The following KIF15 variants were observed in gnomAD, a reference collection of about 807,000 sequenced individuals.
KIF15 encodes the protein kinesin family member 15, also known as kinesin-like protein KIF15.
A neutral mutation model predicts 190.6 loss-of-function variants in KIF15; 140 were observed. That is an observed-to-expected ratio of 0.73 (90% CI 0.64 to 0.84). KIF15 has a LOEUF of 0.84. KIF15 is among the 40% of genes least tolerant of loss of function. The pLI is 0.00. For synonymous variants in KIF15, 528 were observed against 551.3 expected, an observed-to-expected ratio of 0.96 and a Z score of 0.59; for missense variants, 1,372 against 1,584.4, an observed-to-expected ratio of 0.87 and a Z score of 2.28.
At chr3:44,844,067 T>C (rs971896735) in intron 30 of KIF15, among the ~76,000 whole-genome samples, 48 of 152,284 alleles carry the variant, frequency 3.2e-4, no homozygotes, top group Admixed American at 2.2e-3. Flanking sequence ...AGAAGTCGAA[T>C]TGAATCAAAG....
chr3:44,804,917 A>T, intron 14 of KIF15, 110 bp from the exon 15 acceptor site: 1 of 1,174,854 alleles, frequency 8.5e-7, no homozygotes, highest in Non-Finnish European at 1.2e-6. Context: ...GGGCTTTAGT[A>T]CACTATGATC....
intron 23 of KIF15, 116 bp downstream of exon 23, chr3:44,827,644 A>C (rs1003266194): frequency 2.8e-5 from 16 of 574,702 alleles, no homozygotes; most frequent in Non-Finnish European, 6.1e-6. Flanking sequence ...AGTAAGAAAG[A>C]AATGGAATTT....
chr3:44,801,870 C>T lies in KIF15; in HGVS notation c.1405C>T (p.Arg469Cys), dbSNP rs138660634. ...GAAATTCCGAGAGGATCAAATAATACGCTTGGAAAAGCTCCACAAGGAATC... is the reference window on the plus strand; with the variant it reads ...GAAATTCCGAGAGGATCAAATAATATGCTTGGAAAAGCTCCACAAGGAATC... Reference protein sequence around the residue: ...IVKFREDQIIRLEKLHKESRG... With the variant: ...IVKFREDQIICLEKLHKESRG... Residue 469 changes from arginine to cysteine, a missense_variant, in exon 13 of 35, where the codon CGC (arginine) becomes TGC (cysteine). By Grantham distance (180) the Arg-to-Cys change is radical. Coordinates refer to ENST00000326047, the MANE Select transcript of KIF15 (RefSeq NM_020242.3). 1.2e-5 allele frequency: 19 copies of T among 1,612,328 alleles called. No individual in the cohort carries two copies. The African/African-American group carries it at 1.2e-4, about 10-fold the overall frequency.
chr3:44,777,967 G>T (rs995981433), intron 3 of KIF15, 148 bp from the exon 4 acceptor site: 2 of 652,712 alleles, frequency 3.1e-6, no homozygotes, highest in Non-Finnish European at 5.6e-6. Flanking sequence ...GTGTAAAGTT[G>T]AATCATCTTA....
intron 6 of KIF15, chr3:44,861,940 G>C: frequency 3.5e-6 from 5 of 1,421,840 alleles, no homozygotes; most frequent in Non-Finnish European, 4.6e-6. Flanking sequence ...CGAGAGGCCG[G>C]GGCCTCCGGG....
rs1697984823 is a variant in KIF15 at position 44,829,988 on chromosome 3, C to A, written c.2961C>A (p.Leu987=). 6.3e-7 allele frequency: 1 copy of A among 1,588,928 alleles called. No individual in the cohort carries two copies. Residue 987 remains leucine, a synonymous_variant, in exon 25 of 35, where the codon CTC becomes CTA. Transcript: ENST00000326047. ...CTCATCAGAAAGTTGTAGCTGACCT[C>A]ATGAACCAGATCCAGGAGCTAAGAA... ...RDSDKKVVAD[L]MNQIQELRTS...
Position 44,803,328 on chromosome 3 carries a change from G to A in KIF15, c.1687+337G>A, listed in dbSNP as rs1006063669. On this transcript the variant is annotated intron_variant, in intron 14 of 34. Transcript: ENST00000326047. ...ATGAAAAGTCTTTAACTAATCAAAC[G>A]TGAATAAAAATAGAGTTGAAATGTT... Among the ~76,000 whole-genome samples, 13 of 152,136 alleles carry A rather than the reference G, an allele frequency of 8.5e-5. No homozygotes were observed. The East Asian group carries it at 2.1e-3, about 25-fold the overall frequency.
At chr3:44,791,266 A>G (rs1706684648) in intron 7 of KIF15, among the ~76,000 whole-genome samples, 1 of 151,978 alleles carries the variant, frequency 6.6e-6, no homozygotes, top group Non-Finnish European at 1.5e-5. Flanking sequence ...TGGTGAATTG[A>G]CTGTACACAT....
chr3:44,805,696 G>C (rs949771800), intron 15 of KIF15, 149 bp from the exon 16 acceptor site: 9 of 802,206 alleles, frequency 1.1e-5, no homozygotes, highest in African/African-American at 1.7e-5. Context: ...TACTGAACTG[G>C]AGAATGATGG....
Position 44,786,516 on chromosome 3 carries a change from G to T in KIF15, c.581G>T (p.Gly194Val). ...GLYLREHIKKGVFVVGAVEQV... is the reference protein window; with the variant it reads ...GLYLREHIKKVVFVVGAVEQV... ...TACTTAAGGGAGCATATCAAGAAGG[G>T]AGTCTTTGTTGTTGGTGCGGTGGAG... Residue 194 changes from glycine (G) to valine (V), a missense_variant, in exon 7 of 35, where the codon GGA becomes GTA. By Grantham distance (109) the Gly-to-Val change is moderately radical. Coordinates refer to ENST00000326047, the MANE Select transcript of KIF15 (RefSeq NM_020242.3). 1.2e-6 allele frequency: 2 copies of T among 1,613,346 alleles called. No homozygotes were observed. Among genetic ancestry groups the T allele is most frequent in the South Asian group, 2.2e-5 (2 of 90,966 alleles).
chr3:44,848,763 A>T (rs1167093071), intron 32 of KIF15, among the ~76,000 whole-genome samples: 2 of 152,214 alleles, frequency 1.3e-5, no homozygotes, highest in Non-Finnish European at 2.9e-5. Context: ...TAAAGAAATA[A>T]ATAGCAGGAA....
At chr3:44,839,045 C>T (rs1192948353) in intron 27 of KIF15, among the ~76,000 whole-genome samples, 1 of 152,066 alleles carries the variant, frequency 6.6e-6, no homozygotes, top group Non-Finnish European at 1.5e-5. Flanking sequence ...AAACTTGGAA[C>T]ATTTTTATAA....
At chr3:44,851,513 G>T (rs1699056249) in intron 32 of KIF15, among the ~76,000 whole-genome samples, 1 of 152,100 alleles carries the variant, frequency 6.6e-6, no homozygotes, top group Non-Finnish European at 1.5e-5. Context: ...GCCCCAAGTG[G>T]GCTGAATCTA....
At chr3:44,857,629 T>C (rs1204367156), downstream of KIF15, among the ~76,000 whole-genome samples, 4 of 152,218 alleles carry the variant, frequency 2.6e-5, no homozygotes, top group Admixed American at 2.0e-4. Flanking sequence ...TAGGGTCGGC[T>C]AGATTTCCTT....
chr3:44,774,448 A>G lies in KIF15; in HGVS notation c.62+11A>G, dbSNP rs746638128. The G allele has an allele frequency of 6.2e-7, 1 of 1,608,190 alleles. No homozygotes were observed. The highest frequency in any genetic ancestry group is 8.5e-7 in the Non-Finnish European group (1 of 1,175,026). On this transcript the variant is annotated intron_variant, in intron 2 of 34. Coordinates refer to ENST00000326047, the MANE Select transcript of KIF15 (RefSeq NM_020242.3). Reference sequence around the variant, plus strand: ...GTCTAACCAACCAAGGTAAGGAGAAAAATATTCTCAATGAGCTCCCAAAGG... The same window carrying G: ...GTCTAACCAACCAAGGTAAGGAGAAGAATATTCTCAATGAGCTCCCAAAGG...
intron 6 of KIF15, among the ~76,000 whole-genome samples, chr3:44,867,853 C>T (rs1310127949): frequency 6.6e-6 from 1 of 152,166 alleles, no homozygotes; most frequent in Non-Finnish European, 1.5e-5. Flanking sequence ...AATACTATAT[C>T]AATATTTGTC....
intron 1 of KIF15, among the ~76,000 whole-genome samples, chr3:44,767,767 C>T (rs1295600627): frequency 6.6e-6 from 1 of 151,574 alleles, no homozygotes; most frequent in Non-Finnish European, 1.5e-5. Flanking sequence ...TGGTGGCAGG[C>T]CCCTGTAGTC....
chr3:44,773,372 G>A lies in KIF15; in HGVS notation c.20-1023G>A, dbSNP rs144824936. On this transcript the variant is annotated intron_variant, in intron 1 of 34. Coordinates refer to ENST00000326047, the MANE Select transcript of KIF15 (RefSeq NM_020242.3). ...GGGGAGGACTCTGTGGGCATGTGGC[G>A]GGAAACCCTGGCCAGCCAGCCAAGT... Among the ~76,000 whole-genome samples, 1,261 of 152,214 alleles carry A rather than the reference G, an allele frequency of 8.3e-3. 17 individuals are homozygous for A. The highest frequency in any genetic ancestry group is 0.05 in the South Asian group (242 of 4,822).
In KIF15 at chr3:44,801,442, A is replaced by G. The variant is rs1229349481; in HGVS notation, c.1223-8A>G. The G allele has an allele frequency of 1.3e-6, 2 of 1,496,284 alleles. No individual in the cohort carries two copies. Among genetic ancestry groups the G allele is most frequent in the Non-Finnish European group, 1.8e-6 (2 of 1,083,046 alleles). The allele number at this position is 1,496,284 out of a possible 1,614,324, so 92.7% of individuals were successfully genotyped here. On this transcript the variant is annotated splice_polypyrimidine_tract_variant and splice_region_variant and intron_variant, in intron 11 of 34. Coordinates refer to ENST00000326047, the MANE Select transcript of KIF15 (RefSeq NM_020242.3). ...TTCATCTTCCCTTTCTTATTGGATC[A>G]ATTACAGACAAAAAGAAGACTAACT...
Sources: gnomAD v4.1 joint callset for allele counts (sites outside exome capture counted in the v4.1 genomes callset) on GRCh38, gnomAD v4.1.1 for gene constraint, MANE v1.5 for transcripts, NCBI Gene and HGNC (gene_info 2026-07-23, HGNC 2026-07-21) for gene names.